Variants in TMEM192 observed in about 807,000 individuals in gnomAD.
TMEM192 encodes the protein transmembrane protein 192.
Under a neutral mutation model 26.7 loss-of-function variants are expected in TMEM192, and 20 were observed. The ratio of observed to expected loss-of-function variants is 0.75; its 90% CI spans 0.53 to 1.09. TMEM192 has a LOEUF of 1.09. Among genes scored for constraint, TMEM192 ranks in the 50% least tolerant of loss-of-function variants. The pLI, the probability that TMEM192 is intolerant of heterozygous loss-of-function variation, is 0.00. For missense variants in TMEM192, 304 were observed against 322.6 expected, an observed-to-expected ratio of 0.94 and a Z score of 0.44; for synonymous variants, 124 against 121.0, an observed-to-expected ratio of 1.02 and a Z score of -0.16.
chr4:165,099,876 G>A (rs1734998802), intron 3 of TMEM192, among the ~76,000 whole-genome samples: 1 of 152,122 alleles, frequency 6.6e-6, no homozygotes, highest in Admixed American at 6.6e-5. Context: ...TTAAGCCCAG[G>A]AATTCCAGGC....
intron 1 of TMEM192, among the ~76,000 whole-genome samples, chr4:165,110,230 CT>C (rs1432061948): frequency 2.6e-5 from 4 of 152,206 alleles, no homozygotes; most frequent in Admixed American, 6.5e-5. Context: ...TAGAAGATGT[CT>C]GTTGTTTTTG....
chr4:165,107,919 A>G (rs1735205285), intron 1 of TMEM192, among the ~76,000 whole-genome samples: 1 of 152,116 alleles, frequency 6.6e-6, no homozygotes, highest in South Asian at 2.1e-4. Flanking sequence ...TGTAACTTCT[A>G]AATATATAGA....
intron 3 of TMEM192, among the ~76,000 whole-genome samples, chr4:165,093,377 G>A (rs1734816480): frequency 6.6e-6 from 1 of 151,956 alleles, no homozygotes; most frequent in African/African-American, 2.4e-5. Flanking sequence ...TTACAGGTGT[G>A]AGCCACCGCG....
At chr4:165,108,741 G>A (rs906877877) in intron 1 of TMEM192, among the ~76,000 whole-genome samples, 12 of 152,128 alleles carry the variant, frequency 7.9e-5, no homozygotes, top group African/African-American at 2.4e-4. Flanking sequence ...CCTGGTAGGC[G>A]CAGGGCCAGG....
Position 165,073,283 on chromosome 4 carries a change from A to G in TMEM192, c.*6375T>C, listed in dbSNP as rs1734308774. The G allele has an allele frequency of 1.3e-5, 2 of 152,424 alleles. No individual in the cohort carries two copies. The allele number at this position is 152,424 out of a possible 1,614,324, so 9.4% of individuals were successfully genotyped here. On this transcript the variant is annotated 3_prime_UTR_variant, in exon 6 of 6. Transcript: ENST00000306480. ...TAGCCCCAACCCTGTGCTCACAGAA[A>G]CATGTGCTGTATTGGATCAGTTTAA...
At chr4:165,093,112 T>C (rs1346410779) in intron 3 of TMEM192, among the ~76,000 whole-genome samples, 1 of 148,694 alleles carries the variant, frequency 6.7e-6, no homozygotes, top group African/African-American at 2.5e-5. Flanking sequence ...TTTTTTTTTT[T>C]TTGAGATGGA....
At chr4:165,091,933 C>T (rs894842751) in intron 3 of TMEM192, among the ~76,000 whole-genome samples, 5 of 152,116 alleles carry the variant, frequency 3.3e-5, no homozygotes, top group Non-Finnish European at 2.9e-5. Flanking sequence ...GGAGCCCATT[C>T]TGGTCACCTG....
intron 3 of TMEM192, among the ~76,000 whole-genome samples, chr4:165,095,807 C>A (rs1035123817): frequency 2.0e-5 from 3 of 151,474 alleles, no homozygotes; most frequent in Non-Finnish European, 4.4e-5. Flanking sequence ...TGGAGTCTCA[C>A]TCTGTCACTC....
intron 5 of TMEM192, 130 bp downstream of exon 5, chr4:165,085,456 G>T (rs2110746004): frequency 3.0e-6 from 2 of 656,496 alleles, no homozygotes; most frequent in Non-Finnish European, 5.1e-6. Context: ...TTTCACCACA[G>T]CTGAAAGGAA....
At chr4:165,107,635 C>T (rs1161672552) in intron 1 of TMEM192, among the ~76,000 whole-genome samples, 2 of 152,320 alleles carry the variant, frequency 1.3e-5, no homozygotes, top group African/African-American at 2.4e-5. Flanking sequence ...TAAGCCACCA[C>T]GCCTGGCCAA....
chr4:165,103,715 T>A (rs1735101031), intron 1 of TMEM192, among the ~76,000 whole-genome samples: 1 of 151,806 alleles, frequency 6.6e-6, no homozygotes. Flanking sequence ...AGAGATGGGG[T>A]TTCTCTATGT....
chr4:165,083,962 C>T (rs1429250708), intron 5 of TMEM192, among the ~76,000 whole-genome samples: 2 of 150,364 alleles, frequency 1.3e-5, no homozygotes, highest in Admixed American at 6.7e-5. Context: ...GCTGGGACTA[C>T]AGGTGTGCAT....
At chr4:165,109,766 G>A (rs1232088641) in intron 1 of TMEM192, among the ~76,000 whole-genome samples, 11 of 152,208 alleles carry the variant, frequency 7.2e-5, no homozygotes, top group Admixed American at 5.9e-4. Context: ...TTCTTCTCTC[G>A]CCTAAATGAG....
At chr4:165,092,752 G>C (rs1734796307) in intron 3 of TMEM192, among the ~76,000 whole-genome samples, 1 of 151,960 alleles carries the variant, frequency 6.6e-6, no homozygotes, top group Non-Finnish European at 1.5e-5. Context: ...GTGAGCCAAA[G>C]ATCCTTGCTG....
At chr4:165,098,340 G>T (rs1024062495) in intron 3 of TMEM192, among the ~76,000 whole-genome samples, 1 of 152,084 alleles carries the variant, frequency 6.6e-6, no homozygotes, top group African/African-American at 2.4e-5. Context: ...GGCCAGGCTG[G>T]TCTCGAACTC....
chr4:165,097,766 TACCAC>T (rs1734947867), intron 3 of TMEM192, among the ~76,000 whole-genome samples: 1 of 151,492 alleles, frequency 6.6e-6, no homozygotes, highest in African/African-American at 2.4e-5. Context: ...AGGCACAGGC[TACCAC>T]ACATGACTAA....
chr4:165,103,156 CA>C (rs1211080877), intron 1 of TMEM192, 60 bp from the exon 2 acceptor site: 1 of 1,465,166 alleles, frequency 6.8e-7, no homozygotes, highest in Non-Finnish European at 9.1e-7. Context: ...GTTTCTAAGA[CA>C]AATCTACTAA....
chr4:165,102,909 A>C, intron 2 of TMEM192, 41 bp downstream of exon 2: 2 of 1,543,838 alleles, frequency 1.3e-6, no homozygotes, highest in Non-Finnish European at 1.7e-6. Context: ...ATTTTTACAA[A>C]CATCACCTCT....
intron 3 of TMEM192, among the ~76,000 whole-genome samples, chr4:165,096,435 A>G (rs1169472838): frequency 2.0e-5 from 3 of 151,600 alleles, no homozygotes; most frequent in African/African-American, 7.3e-5. Flanking sequence ...ATGTATTTGG[A>G]TCTAAGGAAG....
Sources: gnomAD v4.1 joint callset for allele counts (sites outside exome capture counted in the v4.1 genomes callset) on GRCh38, gnomAD v4.1.1 for gene constraint, MANE v1.5 for transcripts, NCBI Gene and HGNC (gene_info 2026-07-23, HGNC 2026-07-21) for gene names.